The following ANGPT1 variants were observed in gnomAD, a reference collection of about 807,000 sequenced individuals.
ANGPT1 encodes the protein angiopoietin-1.
ANGPT1 carries 17 observed loss-of-function variants against 62.2 expected under a neutral mutation model. That is an observed-to-expected ratio of 0.27 (90% confidence interval 0.19 to 0.41). The LOEUF is 0.41. Among genes scored for constraint, ANGPT1 ranks in the 10% least tolerant of loss-of-function variants. The pLI, the probability that ANGPT1 is intolerant of heterozygous loss-of-function variation, is 1.00. For synonymous variants in ANGPT1, 199 were observed against 198.9 expected (o/e 1.00, Z 0.00); for missense variants, 478 against 594.9 (o/e 0.80, Z 2.04).
chr8:107,343,236 A>G (rs762193662), intron 2 of ANGPT1, among the ~76,000 whole-genome samples: 1 of 152,130 alleles, frequency 6.6e-6, no homozygotes, highest in Non-Finnish European at 1.5e-5. Flanking sequence ...CATGCAGGAA[A>G]TATATTAGGG....
intron 1 of ANGPT1, among the ~76,000 whole-genome samples, chr8:107,397,441 T>TTGTG (rs3036540): frequency 2.1e-3 from 313 of 150,412 alleles, no homozygotes; most frequent in East Asian, 5.5e-3. Flanking sequence ...AAAATGTTGC[T>TTGTG]TGTGTGTGTG....
chr8:107,405,680 A>C (rs1208510286), intron 1 of ANGPT1, among the ~76,000 whole-genome samples: 1 of 152,000 alleles, frequency 6.6e-6, no homozygotes, highest in East Asian at 1.9e-4. Flanking sequence ...CAGAAATCTG[A>C]AACGCTCCTG....
intron 1 of ANGPT1, among the ~76,000 whole-genome samples, chr8:107,465,028 A>G (rs1476264461): frequency 6.6e-6 from 1 of 152,114 alleles, no homozygotes; most frequent in African/African-American, 2.4e-5. Flanking sequence ...ATATAGTTAA[A>G]TATTTCAGTG....
At chr8:107,380,892 G>T (rs1288543837) in intron 1 of ANGPT1, among the ~76,000 whole-genome samples, 1 of 152,192 alleles carries the variant, frequency 6.6e-6, no homozygotes, top group Non-Finnish European at 1.5e-5. Context: ...TAGGGGTTTT[G>T]TTTGCCTGTG....
intron 1 of ANGPT1, among the ~76,000 whole-genome samples, chr8:107,374,507 G>T (rs1816486753): frequency 6.6e-6 from 1 of 152,164 alleles, no homozygotes; most frequent in East Asian, 1.9e-4. Flanking sequence ...GTGTAAGTGG[G>T]GGACGAAATC....
chr8:107,425,307 C>T (rs956777560), intron 1 of ANGPT1, among the ~76,000 whole-genome samples: 5 of 152,164 alleles, frequency 3.3e-5, no homozygotes, highest in African/African-American at 1.2e-4. Context: ...TGGGAGGTTA[C>T]TATCTTGATT....
intron 4 of ANGPT1, among the ~76,000 whole-genome samples, chr8:107,310,456 T>C (rs1814822133): frequency 6.6e-6 from 1 of 152,112 alleles, no homozygotes; most frequent in Admixed American, 6.6e-5. Context: ...TCCCCAGCAA[T>C]ACTTATCTCT....
chr8:107,365,658 C>T (rs541785492), intron 1 of ANGPT1, among the ~76,000 whole-genome samples: 1 of 152,200 alleles, frequency 6.6e-6, no homozygotes, highest in South Asian at 2.1e-4. Flanking sequence ...GGAAGAGGCT[C>T]TCCAACAAAG....
At chr8:107,469,417 C>A (rs1812287600) in intron 1 of ANGPT1, among the ~76,000 whole-genome samples, 1 of 151,914 alleles carries the variant, frequency 6.6e-6, no homozygotes, top group African/African-American at 2.4e-5. Flanking sequence ...TAGTGCTTTA[C>A]CACAATGCTT....
intron 6 of ANGPT1, among the ~76,000 whole-genome samples, chr8:107,286,149 T>C (rs1349366509): frequency 2.0e-5 from 3 of 152,128 alleles, no homozygotes; most frequent in Non-Finnish European, 4.4e-5. Flanking sequence ...CTGGGTCACT[T>C]GCGCACTACC....
chr8:107,348,356 G>C (rs1015310636), intron 1 of ANGPT1, among the ~76,000 whole-genome samples: 6 of 151,938 alleles, frequency 3.9e-5, no homozygotes, highest in African/African-American at 1.4e-4. Flanking sequence ...GTAAAGCTTT[G>C]GCAGCTCACT....
At chr8:107,303,154 T>C in intron 5 of ANGPT1, 86 bp downstream of exon 5, 1 of 1,488,300 alleles carries the variant, frequency 6.7e-7, no homozygotes, top group Non-Finnish European at 9.3e-7. Context: ...TATTTCCAGT[T>C]TAACAAGCTC....
chr8:107,438,649 A>G (rs1313739775), intron 1 of ANGPT1, among the ~76,000 whole-genome samples: 1 of 152,156 alleles, frequency 6.6e-6, no homozygotes, highest in East Asian at 1.9e-4. Flanking sequence ...ATAAATGTTA[A>G]CCTGATATTT....
At chr8:107,376,336 A>G (rs1167122977) in intron 1 of ANGPT1, among the ~76,000 whole-genome samples, 2 of 152,204 alleles carry the variant, frequency 1.3e-5, no homozygotes, top group Non-Finnish European at 2.9e-5. Context: ...AATAATTTCA[A>G]TATGGAAGTA....
At chr8:107,461,440 AT>A (rs1812069157) in intron 1 of ANGPT1, among the ~76,000 whole-genome samples, 1 of 152,122 alleles carries the variant, frequency 6.6e-6, no homozygotes. Flanking sequence ...GTCCTATCAC[AT>A]TTTAATTTGT....
At chr8:107,394,553 A>C (rs1816898188) in intron 1 of ANGPT1, among the ~76,000 whole-genome samples, 1 of 152,134 alleles carries the variant, frequency 6.6e-6, no homozygotes, top group Admixed American at 6.6e-5. Flanking sequence ...AGGGAAGGAG[A>C]CTAAGCTTAA....
intron 1 of ANGPT1, among the ~76,000 whole-genome samples, chr8:107,477,503 G>A (rs919757575): frequency 1.3e-5 from 2 of 152,034 alleles, no homozygotes; most frequent in South Asian, 4.1e-4. Flanking sequence ...TTTTCACTAC[G>A]GCAATGTCAT....
At chr8:107,313,067 CA>C (rs1814915096) in intron 4 of ANGPT1, among the ~76,000 whole-genome samples, 1 of 152,142 alleles carries the variant, frequency 6.6e-6, no homozygotes, top group South Asian at 2.1e-4. Context: ...ACCCAAAGTT[CA>C]AACTCACTAT....
chr8:107,382,101 T>A (rs1292923450), intron 1 of ANGPT1, among the ~76,000 whole-genome samples: 1 of 152,172 alleles, frequency 6.6e-6, no homozygotes, highest in Non-Finnish European at 1.5e-5. Context: ...CACCTGCTAC[T>A]TTTAATGGCA....
Sources: gnomAD v4.1 joint callset for allele counts (sites outside exome capture counted in the v4.1 genomes callset) on GRCh38, gnomAD v4.1.1 for gene constraint, MANE v1.5 for transcripts, NCBI Gene and HGNC (gene_info 2026-07-23, HGNC 2026-07-21) for gene names.